ZC3H6: variants seen among roughly 807,000 people sequenced by gnomAD.
ZC3H6 encodes zinc finger CCCH domain-containing protein 6.
Under a neutral mutation model 107.7 loss-of-function variants are expected in ZC3H6, and 40 were observed. The ratio of observed to expected loss-of-function variants is 0.37; its 90% CI spans 0.29 to 0.48. ZC3H6 has a LOEUF of 0.48. ZC3H6 is among the 20% of genes least tolerant of loss of function. The pLI, the probability that ZC3H6 is intolerant of heterozygous loss-of-function variation, is 0.98. For synonymous variants in ZC3H6, 493 were observed against 487.9 expected, an observed-to-expected ratio of 1.01 and a Z score of -0.14; for missense variants, 1,267 against 1,410.4, an observed-to-expected ratio of 0.90 and a Z score of 1.63.
intron 1 of ZC3H6, among the ~76,000 whole-genome samples, chr2:112,290,317 C>T (rs1403931880): frequency 1.3e-5 from 2 of 152,242 alleles, no homozygotes; most frequent in Non-Finnish European, 2.9e-5. Flanking sequence ...TTTTGCTCAT[C>T]CTATTCCTTT....
rs569189863 is a variant in ZC3H6, at chr2:112,275,627, C to T, written c.-368C>T. Reference sequence around the variant, plus strand: ...TTTCTCGAGCCGCCTGTTTCGGGTGCCGCCATGTTGGTGAGGAGAAATCAC... The same window carrying T: ...TTTCTCGAGCCGCCTGTTTCGGGTGTCGCCATGTTGGTGAGGAGAAATCAC... On this transcript the variant is annotated 5_prime_UTR_variant, in exon 1 of 12. Coordinates refer to ENST00000409871, the MANE Select transcript of ZC3H6 (RefSeq NM_198581.3). 11 of 401,226 alleles carry T rather than the reference C, an allele frequency of 2.7e-5. No individual in the cohort carries two copies. Among genetic ancestry groups the T allele is most frequent in the African/African-American group, 4.1e-5 (2 of 48,746 alleles). 24.9% of individuals were successfully genotyped at this position (401,226 alleles called of 1,614,324 possible).
In ZC3H6 at chr2:112,275,689, C is replaced by G; in HGVS notation, c.-306C>G. On this transcript the variant is annotated 5_prime_UTR_variant, in exon 1 of 12. Coordinates refer to ENST00000409871, the MANE Select transcript of ZC3H6 (RefSeq NM_198581.3). Reference sequence around the variant, plus strand: ...CTGTCCAAATCCCCGCGTCGCTGCACGCCGCCCGCCCGCTCCCACGCCACA... The same window carrying G: ...CTGTCCAAATCCCCGCGTCGCTGCAGGCCGCCCGCCCGCTCCCACGCCACA... The G allele has an allele frequency of 2.4e-6, 1 of 416,982 alleles. No individual in the cohort carries two copies. Among genetic ancestry groups the G allele is most frequent in the Non-Finnish European group, 4.2e-6 (1 of 235,368 alleles). 25.8% of individuals were successfully genotyped at this position (416,982 alleles called of 1,614,324 possible).
rs768856337 is a variant in ZC3H6, at chr2:112,331,800, G to C, written c.2882G>C (p.Gly961Ala). 1.9e-6 allele frequency: 3 copies of C among 1,613,600 alleles called. No homozygotes were observed. The highest frequency in any genetic ancestry group is 1.3e-5 in the African/African-American group (1 of 74,900). ...TCACACGGTTCAGGAGCTAAATTAGGAGATCCTAGACTACAAAAAAATTTT... is the reference window on the plus strand; with the variant it reads ...TCACACGGTTCAGGAGCTAAATTAGCAGATCCTAGACTACAAAAAAATTTT... ...GDSHGSGAKLGDPRLQKNFDP... is the reference protein window; with the variant it reads ...GDSHGSGAKLADPRLQKNFDP... Residue 961 changes from glycine (G) to alanine (A), a missense_variant, in exon 12 of 12, where the codon GGA (glycine) becomes GCA (alanine). Physicochemically the swap from Gly to Ala is moderately conservative, Grantham distance 60. Transcript: ENST00000409871.
chr2:112,290,663 T>C (rs1371851231), intron 1 of ZC3H6, among the ~76,000 whole-genome samples: 10 of 152,368 alleles, frequency 6.6e-5, no homozygotes, highest in Admixed American at 5.2e-4. Context: ...TTTTTTTTTT[T>C]TTTAGCTGGA....
rs1004359873 is a variant in ZC3H6 at position 112,299,858 on chromosome 2, C to T, written c.42C>T (p.Gly14=). The T allele has an allele frequency of 9.3e-6, 13 of 1,401,322 alleles. No homozygotes were observed. The highest frequency in any genetic ancestry group is 1.1e-5 in the Non-Finnish European group (12 of 1,076,212). 86.8% of individuals were successfully genotyped at this position (1,401,322 alleles called of 1,614,324 possible). Residue 14 remains glycine, a synonymous_variant, in exon 2 of 12, where the codon GGC becomes GGT. Transcript: ENST00000409871. ...SEHAGHDRED[G]ELEDGEIDDA... is the part of the protein sequence containing the mutation. ...AATTTTCCTTCTATAGAGAAGATGG[C>T]GAATTAGAAGATGGTGAAATAGACG...
At chr2:112,279,153 G>C (rs1354275932) in intron 1 of ZC3H6, among the ~76,000 whole-genome samples, 1 of 152,178 alleles carries the variant, frequency 6.6e-6, no homozygotes, top group Non-Finnish European at 1.5e-5. Flanking sequence ...GGTCTTTAGG[G>C]ATTTAGGGAA....
At position 112,276,019 on chromosome 2, in the gene ZC3H6, C is replaced by A. The variant is rs1168728460; in HGVS notation, c.25C>A (p.His9Asn). 1.3e-6 allele frequency: 2 copies of A among 1,542,200 alleles called. No individual in the cohort carries two copies. The highest frequency in any genetic ancestry group is 2.0e-5 in the Admixed American group (1 of 50,224). MTDSEHAG[H>N]DREDGELEDG... ...CATGACAGACTCTGAACATGCAGGG[C>A]ACGACAGGTCGGGAACCCTTCTTGT... Residue 9 changes from histidine (H) to asparagine (N), a missense_variant, in exon 1 of 12, where the codon CAC becomes AAC. His to Asn is a moderately conservative substitution (Grantham distance 68, BLOSUM62 1). Coordinates refer to ENST00000409871, the MANE Select transcript of ZC3H6 (RefSeq NM_198581.3).
intron 1 of ZC3H6, among the ~76,000 whole-genome samples, chr2:112,299,120 A>G (rs1159675193): frequency 6.6e-6 from 1 of 152,062 alleles, no homozygotes; most frequent in Non-Finnish European, 1.5e-5. Flanking sequence ...TACTAAAAAT[A>G]CAAAAAATTA....
intron 1 of ZC3H6, among the ~76,000 whole-genome samples, chr2:112,284,262 T>C (rs1228824178): frequency 6.6e-6 from 1 of 152,242 alleles, no homozygotes; most frequent in East Asian, 1.9e-4. Context: ...TAAAATTATA[T>C]TTTATATAAG....
chr2:112,291,139 C>T (rs538099432), intron 1 of ZC3H6, among the ~76,000 whole-genome samples: 1 of 152,190 alleles, frequency 6.6e-6, no homozygotes, highest in Non-Finnish European at 1.5e-5. Context: ...TCTGGCATAC[C>T]CTGTGTAAGC....
intron 1 of ZC3H6, among the ~76,000 whole-genome samples, chr2:112,281,417 T>C (rs1686525145): frequency 6.6e-6 from 1 of 152,092 alleles, no homozygotes; most frequent in Non-Finnish European, 1.5e-5. Context: ...TCCTCTATGG[T>C]ATATGGTAAG....
rs1273393031 is a variant in ZC3H6 at position 112,305,495 on chromosome 2, GCTGA to G, written c.336+2147_336+2150del. Reference sequence around the variant, plus strand: ...TGCAGTTATTTATTGTTAATATTACGCTGACTATTATATATCCCTGTAGACATAC... The same window carrying G: ...TGCAGTTATTTATTGTTAATATTACGCTATTATATATCCCTGTAGACATAC... On this transcript the variant is annotated intron_variant, in intron 3 of 11. Transcript: ENST00000409871. 2.0e-4 allele frequency among the ~76,000 whole-genome samples: 31 copies of G among 152,076 alleles called. 2 individuals carry two copies. In the South Asian group the frequency reaches 2.7e-3, roughly 13 times the overall value.
Position 112,325,088 on chromosome 2 carries a change from C to T in ZC3H6, c.1977C>T (p.Gly659=), listed in dbSNP as rs1339620724. The T allele has an allele frequency of 3.0e-5, 48 of 1,613,872 alleles. No homozygotes were observed. Among genetic ancestry groups the T allele is most frequent in the Non-Finnish European group, 3.6e-5 (43 of 1,179,886 alleles). The stretch of plus-strand genomic sequence containing the variant: ...GCCATGGCCCTCTGCCTGTACCAGG[C>T]CTCCTCCCTGCAGTGCAAAGAGCTC... ...RTGHGPLPVP[G]LLPAVQRALF... is the part of the protein sequence containing the mutation. Residue 659 remains glycine (G), a synonymous_variant, in exon 11 of 12, where the codon GGC becomes GGT. Coordinates refer to ENST00000409871, the MANE Select transcript of ZC3H6 (RefSeq NM_198581.3).
chr2:112,332,274 G>C lies in ZC3H6; in HGVS notation c.3356G>C (p.Arg1119Thr). ...GCTGACCCACAGGCGGACGTTCCCA[G>C]GAGTTCTGGTAAGGTTCAGGTCCCA... ...GPADPQADVP[R>T]SSGKVQVPAV... is the part of the protein sequence containing the mutation. The change falls in exon 12 of 12, where the codon AGG becomes ACG. Residue 1119 changes from arginine (R) to threonine (T), a missense_variant. Arg to Thr is a moderately conservative substitution (Grantham distance 71). Transcript: ENST00000409871. 1 of 1,613,890 alleles carries C rather than the reference G, an allele frequency of 6.2e-7. No individual in the cohort carries two copies. The highest frequency in any genetic ancestry group is 8.5e-7 in the Non-Finnish European group (1 of 1,179,848).
chr2:112,323,127 C>T (rs1260812326), intron 9 of ZC3H6, among the ~76,000 whole-genome samples: 2 of 152,160 alleles, frequency 1.3e-5, no homozygotes. Context: ...TGAAACTTCT[C>T]AGCATAGTAA....
chr2:112,315,147 A>T (rs1206244919), intron 5 of ZC3H6, among the ~76,000 whole-genome samples: 1 of 152,342 alleles, frequency 6.6e-6, no homozygotes, highest in African/African-American at 2.4e-5. Flanking sequence ...TACAGGGCAC[A>T]GTGCATGCCA....
rs1457097756 is a variant in ZC3H6, at chr2:112,333,916, C to T, written c.*1428C>T. On this transcript the variant is annotated 3_prime_UTR_variant, in exon 12 of 12. Transcript: ENST00000409871. ...TCGTGGGAACCTAACACTCACATAG[C>T]ATATGGTTTATTAATAATGCATATC... 2.0e-5 allele frequency: 3 copies of T among 152,010 alleles called. No individual in the cohort carries two copies. The highest frequency in any genetic ancestry group is 4.4e-5 in the Non-Finnish European group (3 of 67,964). The allele number at this position is 152,010 out of a possible 1,614,324, so 9.4% of individuals were successfully genotyped here. A position where few individuals can be genotyped will look rare whatever the true frequency, so the allele number is the denominator to read the frequency against.
chr2:112,337,767 G>A lies in ZC3H6; in HGVS notation c.*5279G>A, dbSNP rs1677159215. The A allele has an allele frequency of 1.3e-5, 2 of 152,126 alleles. No homozygotes were observed. The highest frequency in any genetic ancestry group is 1.3e-4 in the Admixed American group (2 of 15,270). 9.4% of individuals were successfully genotyped at this position (152,126 alleles called of 1,614,324 possible). ...CCTGAGTAGCTGGAACTACAGGTGT[G>A]TGCCACCACACCCAGCTAATTTTTG... is the stretch of plus-strand genomic sequence containing the variant. On this transcript the variant is annotated 3_prime_UTR_variant, in exon 12 of 12. Coordinates refer to ENST00000409871, the MANE Select transcript of ZC3H6 (RefSeq NM_198581.3).
At chr2:112,312,846 C>G (rs1188354855) in intron 5 of ZC3H6, among the ~76,000 whole-genome samples, 1 of 141,502 alleles carries the variant, frequency 7.1e-6, no homozygotes, top group African/African-American at 2.8e-5. Context: ...GGTGACAGAG[C>G]GAGACTCCAT....
Sources: gnomAD v4.1 joint callset for allele counts (sites outside exome capture counted in the v4.1 genomes callset) on GRCh38, gnomAD v4.1.1 for gene constraint, MANE v1.5 for transcripts, NCBI Gene and HGNC (gene_info 2026-07-23, HGNC 2026-07-21) for gene names.